The following PRKCI variants were observed in gnomAD, a reference collection of about 807,000 sequenced individuals.
PRKCI encodes protein kinase C iota type.
Under a neutral mutation model 84.0 loss-of-function variants are expected in PRKCI, and 43 were observed. That is an observed-to-expected ratio of 0.51 (90% CI 0.40 to 0.66). The LOEUF is 0.66. Ranked by LOEUF, PRKCI falls within the 30% of genes least tolerant of loss-of-function variation. The probability of loss-of-function intolerance (pLI) is 0.00; values close to 1 mark genes in which losing one functional copy is unlikely to be tolerated. For missense variants in PRKCI, 459 were observed against 745.6 expected, an observed-to-expected ratio of 0.62 and a Z score of 4.48; for synonymous variants, 216 against 234.4, an observed-to-expected ratio of 0.92 and a Z score of 0.72.
At chr3:170,279,165 C>T (rs1734187142) in intron 8 of PRKCI, among the ~76,000 whole-genome samples, 1 of 152,100 alleles carries the variant, frequency 6.6e-6, no homozygotes, top group African/African-American at 2.4e-5. Flanking sequence ...GTAGCTGGGA[C>T]TACAGTGCAC....
chr3:170,263,711 C>G (rs1267325994), intron 4 of PRKCI, among the ~76,000 whole-genome samples: 1 of 152,032 alleles, frequency 6.6e-6, no homozygotes, highest in Non-Finnish European at 1.5e-5. Context: ...GTGGGAGGAT[C>G]CCTTGAGCCC....
intron 1 of PRKCI, among the ~76,000 whole-genome samples, chr3:170,229,000 A>G (rs1732713503): frequency 6.6e-6 from 1 of 151,798 alleles, no homozygotes; most frequent in Admixed American, 6.6e-5. Flanking sequence ...GATTTTTTTG[A>G]CTAGGGATAA....
intron 16 of PRKCI, 34 bp from the exon 17 acceptor site, chr3:170,298,959 TAC>T: frequency 7.1e-7 from 1 of 1,411,228 alleles, no homozygotes. Flanking sequence ...TTTCTAAGAA[TAC>T]AGACTTGAGC....
intron 1 of PRKCI, among the ~76,000 whole-genome samples, chr3:170,227,222 T>C (rs183292657): frequency 1.3e-5 from 2 of 152,198 alleles, no homozygotes; most frequent in African/African-American, 4.8e-5. Context: ...ACATAGATTT[T>C]AAAAATTCCA....
chr3:170,259,314 T>G lies in PRKCI; in HGVS notation c.224-655T>G, dbSNP rs553298790. 1.0e-3 allele frequency among the ~76,000 whole-genome samples: 153 copies of G among 151,936 alleles called. 1 individual carries two copies. Among genetic ancestry groups the G allele is most frequent in the Middle Eastern group, 6.8e-3 (2 of 294 alleles). On this transcript the variant is annotated intron_variant, in intron 2 of 17. Transcript: ENST00000295797. ...TGAGCCCAGGAGGTCGAGGCTGTAG[T>G]GAGCCGTGATCATGTCACTGCATTC... is the stretch of plus-strand genomic sequence containing the variant.
chr3:170,225,944 GCT>G (rs1732617939), intron 1 of PRKCI, among the ~76,000 whole-genome samples: 1 of 150,792 alleles, frequency 6.6e-6, no homozygotes, highest in Admixed American at 6.6e-5. Flanking sequence ...ATGGAGTCTC[GCT>G]CTGTCACCTG....
intron 8 of PRKCI, among the ~76,000 whole-genome samples, chr3:170,277,780 C>A (rs1450603983): frequency 6.6e-6 from 1 of 151,186 alleles, no homozygotes; most frequent in South Asian, 2.1e-4. Flanking sequence ...TAAATTCATT[C>A]CTTTTCCATT....
chr3:170,231,268 A>G (rs1252618141), intron 1 of PRKCI, among the ~76,000 whole-genome samples: 2 of 151,552 alleles, frequency 1.3e-5, no homozygotes, highest in African/African-American at 4.9e-5. Context: ...GCCTATTCCT[A>G]TATATTTTAT....
chr3:170,291,549 T>C (rs904333993), intron 12 of PRKCI: 4 of 235,470 alleles, frequency 1.7e-5, no homozygotes, highest in Admixed American at 1.5e-4. Flanking sequence ...ATACAAAAAT[T>C]AGCTGGGTGT....
intron 1 of PRKCI, among the ~76,000 whole-genome samples, chr3:170,233,491 A>G (rs1458274441): frequency 6.6e-6 from 1 of 152,138 alleles, no homozygotes; most frequent in Non-Finnish European, 1.5e-5. Context: ...TACGTGCATA[A>G]TTTGTTTTAT....
intron 2 of PRKCI, among the ~76,000 whole-genome samples, chr3:170,254,270 A>G (rs964740986): frequency 9.2e-5 from 14 of 151,490 alleles, no homozygotes; most frequent in Admixed American, 6.6e-5. Context: ...TTGTCTCTTC[A>G]TTTTTTTGAT....
chr3:170,267,539 G>A (rs1360784082), intron 4 of PRKCI, among the ~76,000 whole-genome samples: 1 of 151,840 alleles, frequency 6.6e-6, no homozygotes, highest in African/African-American at 2.4e-5. Flanking sequence ...TGAGCATGGT[G>A]GTGCATCTCT....
chr3:170,246,121 T>A (rs569460103), intron 2 of PRKCI, among the ~76,000 whole-genome samples: 1 of 151,780 alleles, frequency 6.6e-6, no homozygotes, highest in East Asian at 1.9e-4. Flanking sequence ...CCCAGCTAAT[T>A]TTTTTTCTTT....
intron 1 of PRKCI, among the ~76,000 whole-genome samples, chr3:170,224,821 G>A (rs768975527): frequency 3.9e-5 from 6 of 152,188 alleles, no homozygotes; most frequent in African/African-American, 7.2e-5. Flanking sequence ...ACTGCGCCTG[G>A]CCCTAAGGCT....
intron 1 of PRKCI, among the ~76,000 whole-genome samples, chr3:170,225,561 A>G (rs374614339): frequency 2.0e-5 from 3 of 149,620 alleles, no homozygotes; most frequent in Non-Finnish European, 3.0e-5. Flanking sequence ...ATCCCTCTAC[A>G]CTTTTCTTTT....
chr3:170,302,775 T>G (rs990075857), intron 17 of PRKCI, among the ~76,000 whole-genome samples: 15 of 152,210 alleles, frequency 9.9e-5, no homozygotes, highest in Non-Finnish European at 1.9e-4. Flanking sequence ...ACTGGAATGG[T>G]GACAACTGGT....
At chr3:170,223,042 T>C (rs980870400) in intron 1 of PRKCI, among the ~76,000 whole-genome samples, 1 of 152,040 alleles carries the variant, frequency 6.6e-6, no homozygotes, top group Non-Finnish European at 1.5e-5. Flanking sequence ...TAGGTGCACC[T>C]GGTGTGGACG....
chr3:170,240,928 A>C (rs1019367043), intron 2 of PRKCI, among the ~76,000 whole-genome samples: 1 of 152,240 alleles, frequency 6.6e-6, no homozygotes, highest in Non-Finnish European at 1.5e-5. Context: ...AATGAGTAGT[A>C]ATTTTGTAAC....
At chr3:170,241,783 A>G (rs1020920647) in intron 2 of PRKCI, among the ~76,000 whole-genome samples, 4 of 152,212 alleles carry the variant, frequency 2.6e-5, no homozygotes, top group African/African-American at 9.6e-5. Flanking sequence ...AGATCCTCCC[A>G]TCGCAGCCTC....
Sources: allele counts gnomAD v4.1 joint callset (sites outside exome capture counted in the v4.1 genomes callset), GRCh38; gene constraint gnomAD v4.1.1; transcripts MANE v1.5; gene names NCBI Gene and HGNC (gene_info 2026-07-23, HGNC 2026-07-21).